Variants in VSNL1 observed in about 807,000 individuals in gnomAD.
The protein encoded by VSNL1 is visinin like 1, also known as visinin-like protein 1.
Under a neutral mutation model 20.4 loss-of-function variants are expected in VSNL1, and 6 were observed. That is an observed-to-expected ratio of 0.29 (90% confidence interval 0.16 to 0.58). The LOEUF (loss-of-function observed/expected upper bound fraction) is 0.58. Among genes scored for constraint, VSNL1 ranks in the 20% least tolerant of loss-of-function variants. The pLI, the probability that VSNL1 is intolerant of heterozygous loss-of-function variation, is 0.90. For synonymous variants in VSNL1, 93 were observed against 86.4 expected (o/e 1.08, Z -0.42); for missense variants, 100 against 234.5 (o/e 0.43, Z 3.75).
At chr2:17,566,177 T>A (rs1424993486) in intron 1 of VSNL1, among the ~76,000 whole-genome samples, 2 of 152,246 alleles carry the variant, frequency 1.3e-5, no homozygotes, top group Non-Finnish European at 2.9e-5. Flanking sequence ...GATGAACATT[T>A]AGTTATCTTT....
chr2:17,616,949 T>C (rs573833468), intron 2 of VSNL1, among the ~76,000 whole-genome samples: 1 of 152,262 alleles, frequency 6.6e-6, no homozygotes, highest in South Asian at 2.1e-4. Flanking sequence ...ACACAGAGAA[T>C]GGCCTCCTTT....
chr2:17,590,001 A>G (rs909946121), intron 1 of VSNL1, among the ~76,000 whole-genome samples: 4 of 152,194 alleles, frequency 2.6e-5, no homozygotes, highest in Non-Finnish European at 5.9e-5. Context: ...ATGATTGGAC[A>G]TTGGAGTCCT....
intron 2 of VSNL1, among the ~76,000 whole-genome samples, chr2:17,621,515 T>C: frequency 6.6e-6 from 1 of 152,048 alleles, no homozygotes; most frequent in South Asian, 2.1e-4. Flanking sequence ...GTATAAACAG[T>C]GTTTCACCAT....
chr2:17,585,627 G>A (rs1472504583), intron 1 of VSNL1, among the ~76,000 whole-genome samples: 2 of 151,726 alleles, frequency 1.3e-5, no homozygotes, highest in African/African-American at 4.8e-5. Context: ...CCATCCAGGT[G>A]GGGGGATGGG....
chr2:17,604,291 T>G (rs1178692560), intron 2 of VSNL1, among the ~76,000 whole-genome samples: 1 of 152,212 alleles, frequency 6.6e-6, no homozygotes, highest in Non-Finnish European at 1.5e-5. Context: ...GGCAGGGCCT[T>G]GATCCTGGAA....
intron 1 of VSNL1, among the ~76,000 whole-genome samples, chr2:17,563,987 G>C (rs1474308085): frequency 6.6e-6 from 1 of 151,808 alleles, no homozygotes; most frequent in Non-Finnish European, 1.5e-5. Flanking sequence ...ATTACATGAA[G>C]GTTTTTTCAG....
rs562652677 is a variant in VSNL1 at position 17,634,388 on chromosome 2, G to A, written c.163-15022G>A. On this transcript the variant is annotated intron_variant, in intron 2 of 3. Coordinates refer to ENST00000295156, the MANE Select transcript of VSNL1 (RefSeq NM_003385.5). The surrounding 1 kb of genome is among the most constrained non-coding windows in gnomAD (Gnocchi z 4.3). The stretch of plus-strand genomic sequence containing the variant: ...AGGTCCTGGCAAGACTTGAGGCAAA[G>A]TTTGTTATGCAGTTGACCAGGAGAG... Among the ~76,000 whole-genome samples, 20 of 152,362 alleles carry A rather than the reference G, an allele frequency of 1.3e-4. No individual in the cohort carries two copies. The highest frequency in any genetic ancestry group is 1.2e-3 in the South Asian group (6 of 4,830).
At chr2:17,616,550 C>A (rs1329424700) in intron 2 of VSNL1, among the ~76,000 whole-genome samples, 3 of 152,212 alleles carry the variant, frequency 2.0e-5, no homozygotes, top group Non-Finnish European at 4.4e-5. Context: ...GTGGTGTGAG[C>A]TGATGGAGGG....
intron 1 of VSNL1, among the ~76,000 whole-genome samples, chr2:17,543,797 A>C (rs1413760682): frequency 6.6e-6 from 1 of 152,100 alleles, no homozygotes; most frequent in African/African-American, 2.4e-5. Flanking sequence ...AGACAAGGTG[A>C]CCCGCCTAAC....
At chr2:17,540,527 A>T (rs1383138486), upstream of VSNL1, 1 of 152,746 alleles carries the variant, frequency 6.5e-6, no homozygotes. Context: ...CCGACTGAGC[A>T]TGCGCCATCG....
chr2:17,641,631 T>C lies in VSNL1; in HGVS notation c.163-7779T>C, dbSNP rs1430958584. Among the ~76,000 whole-genome samples, 3 of 152,358 alleles carry C rather than the reference T, an allele frequency of 2.0e-5. No individual in the cohort carries two copies. The East Asian group carries it at 5.8e-4, about 29-fold the overall frequency. On this transcript the variant is annotated intron_variant, in intron 2 of 3. Transcript: ENST00000295156. Reference sequence around the variant, plus strand: ...AATAAAAAGAGACTTCATTTGATTTTAAAGTCTGAGTAATCAGTAAGTACC... The same window carrying C: ...AATAAAAAGAGACTTCATTTGATTTCAAAGTCTGAGTAATCAGTAAGTACC...
intron 1 of VSNL1, among the ~76,000 whole-genome samples, chr2:17,562,392 C>G (rs1447301506): frequency 2.0e-5 from 3 of 152,010 alleles, no homozygotes; most frequent in Non-Finnish European, 4.4e-5. Context: ...AATCGACAGA[C>G]CAAATTTTAT....
upstream of VSNL1, chr2:17,540,678 G>T (rs993326169): frequency 6.6e-6 from 1 of 152,670 alleles, no homozygotes; most frequent in Non-Finnish European, 1.5e-5. Context: ...GGGACCCTAG[G>T]TTTTCTATGG....
At chr2:17,548,054 C>G (rs1332319424) in intron 1 of VSNL1, among the ~76,000 whole-genome samples, 1 of 152,066 alleles carries the variant, frequency 6.6e-6, no homozygotes, top group African/African-American at 2.4e-5. Flanking sequence ...CAACCCATTT[C>G]GCGACTAATC....
intron 2 of VSNL1, among the ~76,000 whole-genome samples, chr2:17,623,271 G>C (rs1665427925): frequency 6.6e-6 from 1 of 152,200 alleles, no homozygotes; most frequent in Non-Finnish European, 1.5e-5. Context: ...TTGTAAGTAA[G>C]TAGGATACTT....
At chr2:17,647,105 G>C (rs1666015440) in intron 2 of VSNL1, among the ~76,000 whole-genome samples, 1 of 152,104 alleles carries the variant, frequency 6.6e-6, no homozygotes, top group Non-Finnish European at 1.5e-5. Flanking sequence ...AACTTTTATA[G>C]CTCAAAATTT....
At chr2:17,610,642 A>G (rs1665062005) in intron 2 of VSNL1, among the ~76,000 whole-genome samples, 1 of 152,176 alleles carries the variant, frequency 6.6e-6, no homozygotes, top group Non-Finnish European at 1.5e-5. Context: ...AAACAAGCAC[A>G]CTGGCAAGAC....
chr2:17,590,013 T>C (rs918505836), intron 1 of VSNL1, among the ~76,000 whole-genome samples: 1 of 152,190 alleles, frequency 6.6e-6, no homozygotes, highest in Admixed American at 6.5e-5. Context: ...TGGAGTCCTA[T>C]AGATCCAGGT....
At chr2:17,593,082 A>G (rs562150587) in intron 2 of VSNL1, among the ~76,000 whole-genome samples, 31 of 152,374 alleles carry the variant, frequency 2.0e-4, no homozygotes, top group African/African-American at 7.5e-4. Flanking sequence ...GATTTGAGCA[A>G]TATTGAATCA....
Sources: gnomAD v4.1 joint callset for allele counts (sites outside exome capture counted in the v4.1 genomes callset) on GRCh38, gnomAD v4.1.1 for gene constraint, Gnocchi (gnomAD v3.1) non-coding constraint, MANE v1.5 for transcripts, NCBI Gene and HGNC (gene_info 2026-07-23, HGNC 2026-07-21) for gene names.